AFDN: variants seen among roughly 807,000 people sequenced by gnomAD.
The protein encoded by AFDN is afadin, adherens junction formation factor.
AFDN carries 68 observed loss-of-function variants against 216.6 expected under a neutral mutation model. The ratio of observed to expected loss-of-function variants is 0.31; its 90% CI spans 0.26 to 0.38. The LOEUF is 0.38. AFDN is among the 10% of genes least tolerant of loss of function. The pLI is 1.00. For synonymous variants in AFDN, 868 were observed against 853.7 expected (o/e 1.02, Z -0.29); for missense variants, 2,136 against 2,342.0 (o/e 0.91, Z 1.82).
At chr6:167,837,549 G>C (rs916785067) in intron 1 of AFDN, among the ~76,000 whole-genome samples, 4 of 152,084 alleles carry the variant, frequency 2.6e-5, no homozygotes, top group Non-Finnish European at 5.9e-5. Flanking sequence ...AAGTTATTCT[G>C]ATAGTAATTG....
intron 21 of AFDN, among the ~76,000 whole-genome samples, chr6:167,921,626 C>G (rs951085452): frequency 2.0e-5 from 3 of 152,008 alleles, no homozygotes; most frequent in Non-Finnish European, 2.9e-5. Flanking sequence ...AAAGCCAAAC[C>G]TCTATTTGTA....
At chr6:167,930,408 A>T (rs147550465) in intron 23 of AFDN, among the ~76,000 whole-genome samples, 139 of 152,270 alleles carry the variant, frequency 9.1e-4, no homozygotes, top group African/African-American at 3.2e-3. Context: ...TGAGTGATGA[A>T]TTATATGGTT....
chr6:167,864,900 T>C (rs976315344), intron 2 of AFDN, 154 bp downstream of exon 2: 1 of 814,392 alleles, frequency 1.2e-6, no homozygotes, highest in Admixed American at 1.7e-5. Flanking sequence ...CTGAGAAAAC[T>C]GTTTTATGTC....
chr6:167,907,312 A>G (rs200140480), intron 13 of AFDN, 23 bp downstream of exon 13: 53 of 1,556,084 alleles, frequency 3.4e-5, no homozygotes, highest in Non-Finnish European at 3.9e-5. Context: ...TCATTTTTCA[A>G]TGGTGAAAGT....
At chr6:167,946,085 C>T (rs1795222612) in intron 26 of AFDN, among the ~76,000 whole-genome samples, 2 of 152,222 alleles carry the variant, frequency 1.3e-5, no homozygotes, top group Non-Finnish European at 2.9e-5. Context: ...GGCAGCTCAA[C>T]AAAACCTCGT....
intron 31 of AFDN, chr6:167,964,143 C>T: frequency 9.4e-7 from 1 of 1,063,482 alleles, no homozygotes; most frequent in Non-Finnish European, 1.1e-6. Flanking sequence ...TTGAAATACA[C>T]TTGTGTTAGT....
At chr6:167,907,356 A>G in intron 13 of AFDN, 67 bp downstream of exon 13, 1 of 1,257,660 alleles carries the variant, frequency 8.0e-7, no homozygotes, top group Non-Finnish European at 1.2e-6. Context: ...GTTGGGATAA[A>G]GATTGTTGAA....
chr6:167,963,076 T>G (rs1277846816), intron 31 of AFDN: 2 of 1,069,034 alleles, frequency 1.9e-6, no homozygotes, highest in African/African-American at 3.3e-5. Context: ...ACAGGAAAAT[T>G]TAGTATGTAA....
intron 1 of AFDN, among the ~76,000 whole-genome samples, chr6:167,840,375 C>A (rs867718960): frequency 6.6e-6 from 1 of 152,166 alleles, no homozygotes; most frequent in East Asian, 1.9e-4. Context: ...CTTTTGACAT[C>A]AAGTTTGACC....
intron 1 of AFDN, among the ~76,000 whole-genome samples, chr6:167,862,354 G>T (rs761667500): frequency 6.6e-6 from 1 of 151,856 alleles, no homozygotes; most frequent in Admixed American, 6.6e-5. Context: ...AGCATGTTTC[G>T]CATGCATTTT....
chr6:167,871,234 A>G (rs1784759445), intron 3 of AFDN, among the ~76,000 whole-genome samples: 1 of 151,148 alleles, frequency 6.6e-6, no homozygotes, highest in Non-Finnish European at 1.5e-5. Flanking sequence ...TACAAAATGT[A>G]TTGACCTTAT....
intron 7 of AFDN, 76 bp downstream of exon 7, chr6:167,889,402 TAGG>T (rs1787283246): frequency 2.0e-6 from 2 of 990,664 alleles, no homozygotes; most frequent in African/African-American, 1.6e-5. Flanking sequence ...TCACATGATG[TAGG>T]AGATGTGTAC....
intron 15 of AFDN, chr6:167,911,748 T>C (rs1043344958): frequency 8.6e-6 from 4 of 462,904 alleles, no homozygotes; most frequent in Non-Finnish European, 1.6e-5. Context: ...GTGCTGAGAC[T>C]GTTGTGGGCT....
Position 167,962,765 on chromosome 6 carries a change from G to A in AFDN, c.4968+198G>A. 7.0e-7 allele frequency: 1 copy of A among 1,422,954 alleles called. No homozygotes were observed. Among genetic ancestry groups the A allele is most frequent in the Admixed American group, 2.8e-5 (1 of 35,714 alleles). 88.1% of individuals were successfully genotyped at this position (1,422,954 alleles called of 1,614,324 possible). On this transcript the variant is annotated intron_variant, in intron 31 of 33. Transcript: ENST00000683244. This position sits in a 1 kb window ranked among gnomAD's most constrained non-coding sequence, Gnocchi z 5.2. Reference sequence around the variant, plus strand: ...CTACCTCTCTTCTGGACTGTCTCCAGATCCCCTTATCTGCCAAGTTTTGTC... The same window carrying A: ...CTACCTCTCTTCTGGACTGTCTCCAAATCCCCTTATCTGCCAAGTTTTGTC...
At chr6:167,867,082 G>T (rs1017221243) in intron 2 of AFDN, among the ~76,000 whole-genome samples, 1 of 152,238 alleles carries the variant, frequency 6.6e-6, no homozygotes, top group African/African-American at 2.4e-5. Context: ...AAAGATTACA[G>T]TAGGACCCAG....
At chr6:167,894,546 C>G (rs575552294) in intron 9 of AFDN, among the ~76,000 whole-genome samples, 8 of 152,174 alleles carry the variant, frequency 5.3e-5, no homozygotes, top group Non-Finnish European at 1.2e-4. Context: ...CCTTTCCTCC[C>G]CAGCTCAAAC....
At chr6:167,908,869 T>A (rs531743970) in intron 13 of AFDN, among the ~76,000 whole-genome samples, 33 of 152,314 alleles carry the variant, frequency 2.2e-4, no homozygotes, top group Middle Eastern at 3.4e-3. Flanking sequence ...GGCAGTGTTA[T>A]AATAAGCACT....
chr6:167,948,249 A>T (rs757838768), intron 28 of AFDN, 44 bp from the exon 29 acceptor site: 1 of 1,517,978 alleles, frequency 6.6e-7, no homozygotes, highest in Admixed American at 2.0e-5. Flanking sequence ...GTTAGTCTGT[A>T]TGGTTGTAAA....
At position 167,951,852 on chromosome 6, in the gene AFDN, A is replaced by G; in HGVS notation, c.4498A>G (p.Arg1500Gly). Residue 1500 changes from arginine to glycine, a missense_variant, in exon 30 of 34, where the codon AGA (arginine) becomes GGA (glycine). Coordinates refer to ENST00000683244, the MANE Select transcript of AFDN (RefSeq NM_001386888.1). This position sits in a 1 kb window ranked among gnomAD's most constrained non-coding sequence, Gnocchi z 7.1. ...GCAGCAGCCCCGCACGATCGAGCGC[A>G]GAGACTTGCAGTACATTACAGTCAG... Reference protein sequence around the residue: ...PQQQPRTIERRDLQYITVSKE... With the variant: ...PQQQPRTIERGDLQYITVSKE... 1.9e-6 allele frequency: 3 copies of G among 1,614,158 alleles called. No individual in the cohort carries two copies. Among genetic ancestry groups the G allele is most frequent in the Non-Finnish European group, 2.5e-6 (3 of 1,180,026 alleles).
Sources: gnomAD v4.1 joint callset for allele counts (sites outside exome capture counted in the v4.1 genomes callset) on GRCh38, gnomAD v4.1.1 for gene constraint, Gnocchi (gnomAD v3.1) non-coding constraint, MANE v1.5 for transcripts, NCBI Gene and HGNC (gene_info 2026-07-23, HGNC 2026-07-21) for gene names.